The following PPP1R16B variants were observed in gnomAD, a reference collection of about 807,000 sequenced individuals.
PPP1R16B encodes the protein protein phosphatase 1 regulatory inhibitor subunit 16B.
A neutral mutation model predicts 61.7 loss-of-function variants in PPP1R16B; 14 were observed. The ratio of observed to expected loss-of-function variants is 0.23; its 90% confidence interval spans 0.15 to 0.35. PPP1R16B has a LOEUF of 0.35. PPP1R16B is among the 10% of genes least tolerant of loss of function. PPP1R16B has a pLI of 1.00. For missense variants in PPP1R16B, 547 were observed against 752.5 expected (o/e 0.73, Z 3.19); for synonymous variants, 266 against 305.3 (o/e 0.87, Z 1.34).
At chr20:38,816,594 A>G (rs1363592136) in intron 1 of PPP1R16B, among the ~76,000 whole-genome samples, 1 of 152,198 alleles carries the variant, frequency 6.6e-6, no homozygotes, top group Non-Finnish European at 1.5e-5. Context: ...AGCCTTAGCT[A>G]TATACATTTT....
chr20:38,845,297 T>C (rs1278643234), intron 2 of PPP1R16B, among the ~76,000 whole-genome samples: 1 of 152,006 alleles, frequency 6.6e-6, no homozygotes, highest in East Asian at 1.9e-4. Flanking sequence ...AAACAACTTT[T>C]AGGGCCAAAT....
intron 6 of PPP1R16B, among the ~76,000 whole-genome samples, chr20:38,905,274 C>T (rs1465202738): frequency 6.6e-6 from 1 of 152,134 alleles, no homozygotes; most frequent in Non-Finnish European, 1.5e-5. Flanking sequence ...GTTGAGACTA[C>T]TGGGGCTGCA....
intron 10 of PPP1R16B, 74 bp downstream of exon 10, chr20:38,908,267 C>T: frequency 6.4e-7 from 1 of 1,562,624 alleles, no homozygotes; most frequent in Non-Finnish European, 8.7e-7. Context: ...CTGGCCTTGC[C>T]TCTTCAACTG....
At chr20:38,812,139 C>T (rs1453915563) in intron 1 of PPP1R16B, among the ~76,000 whole-genome samples, 1 of 152,212 alleles carries the variant, frequency 6.6e-6, no homozygotes, top group Non-Finnish European at 1.5e-5. Context: ...AGGCCAAAGA[C>T]ATTCAGACCG....
At chr20:38,889,789 G>C (rs1338802004) in intron 3 of PPP1R16B, 124 bp downstream of exon 3, 2 of 989,916 alleles carry the variant, frequency 2.0e-6, no homozygotes, top group African/African-American at 3.2e-5. Flanking sequence ...AGGAGGAGCT[G>C]CAGCTGGCCC....
chr20:38,835,770 T>G (rs1055207468), intron 1 of PPP1R16B, 55 bp from the exon 2 acceptor site: 1 of 911,868 alleles, frequency 1.1e-6, no homozygotes, highest in African/African-American at 1.7e-5. Context: ...GACGATCAGA[T>G]CTGAGTTGTG....
intron 2 of PPP1R16B, chr20:38,873,197 G>A (rs1326123807): frequency 6.6e-6 from 1 of 152,326 alleles, no homozygotes; most frequent in African/African-American, 2.4e-5. Flanking sequence ...TCTCTGCACT[G>A]TGGGTGGAAA....
rs559868862 is a variant in PPP1R16B at position 38,816,658 on chromosome 20, G to A, written c.-102+10866G>A. On this transcript the variant is annotated intron_variant, in intron 1 of 10. Coordinates refer to ENST00000299824, the MANE Select transcript of PPP1R16B (RefSeq NM_015568.4). ...TTCATTCACTTGAGACATCTTAAAA[G>A]CAACACAACACAAGGAGCAGTTGAG... Among the ~76,000 whole-genome samples the A allele has an allele frequency of 2.3e-4, 35 of 152,308 alleles. No individual in the cohort carries two copies. In the South Asian group the frequency reaches 7.0e-3, roughly 31 times the overall value.
Position 38,918,808 on chromosome 20 carries a change from AGCTG to A in PPP1R16B, c.*147_*150del, listed in dbSNP as rs1279933334. 2 of 1,037,788 alleles carry A rather than the reference AGCTG, an allele frequency of 1.9e-6. No individual in the cohort carries two copies. The highest frequency in any genetic ancestry group is 3.2e-5 in the African/African-American group (2 of 61,586). The allele number at this position is 1,037,788 out of a possible 1,614,324, so 64.3% of individuals were successfully genotyped here. On this transcript the variant is annotated 3_prime_UTR_variant, in exon 11 of 11. Coordinates refer to ENST00000299824, the MANE Select transcript of PPP1R16B (RefSeq NM_015568.4). This position sits in a 1 kb window ranked among gnomAD's most constrained non-coding sequence, Gnocchi z 5.3. ...CAGAGGAACTCAGACCCCAGCCCTC[AGCTG>A]GCTGCCCATAGCATCCCATGTCCCA... is the stretch of plus-strand genomic sequence containing the variant.
At chr20:38,859,033 G>T (rs1385465042) in intron 2 of PPP1R16B, among the ~76,000 whole-genome samples, 2 of 152,166 alleles carry the variant, frequency 1.3e-5, no homozygotes, top group African/African-American at 4.8e-5. Flanking sequence ...AATGTCCCAG[G>T]ATCCAGGAAG....
At chr20:38,809,884 G>A (rs1006924799) in intron 1 of PPP1R16B, among the ~76,000 whole-genome samples, 2 of 151,670 alleles carry the variant, frequency 1.3e-5, no homozygotes, top group African/African-American at 4.8e-5. Context: ...GGAAGGCTGA[G>A]GTGGGAGAAT....
intron 6 of PPP1R16B, among the ~76,000 whole-genome samples, chr20:38,905,688 C>T (rs868859757): frequency 1.3e-5 from 2 of 152,330 alleles, no homozygotes; most frequent in South Asian, 4.1e-4. Context: ...ACCCCTTCTT[C>T]AGGGCTCAAT....
At chr20:38,855,492 G>A (rs1053545968) in intron 2 of PPP1R16B, among the ~76,000 whole-genome samples, 3 of 152,032 alleles carry the variant, frequency 2.0e-5, no homozygotes, top group Non-Finnish European at 2.9e-5. Flanking sequence ...CATTCCTTCC[G>A]GCTCATGACT....
At chr20:38,868,791 T>C (rs536071201) in intron 2 of PPP1R16B, among the ~76,000 whole-genome samples, 27 of 152,242 alleles carry the variant, frequency 1.8e-4, no homozygotes, top group Non-Finnish European at 3.7e-4. Context: ...AAATCTTTGA[T>C]GGCAGGAGCA....
chr20:38,898,983 G>A (rs181863317), intron 4 of PPP1R16B, among the ~76,000 whole-genome samples: 5 of 152,312 alleles, frequency 3.3e-5, no homozygotes, highest in East Asian at 1.9e-4. Flanking sequence ...AGAAAGCCAG[G>A]GGTTTTAAGT....
chr20:38,892,455 T>C lies in PPP1R16B; in HGVS notation c.321+2790T>C, dbSNP rs545037830. 3.3e-5 allele frequency among the ~76,000 whole-genome samples: 5 copies of C among 152,154 alleles called. No homozygotes were observed. In the South Asian group the frequency reaches 1.0e-3, roughly 32 times the overall value. On this transcript the variant is annotated intron_variant, in intron 3 of 10. Transcript: ENST00000299824. ...ACCACACGTGCCTTGGGCCCCATGT[T>C]GGGGCCTTTCAGGGAGACATCCACC...
chr20:38,913,565 C>T (rs1321934018), intron 10 of PPP1R16B, among the ~76,000 whole-genome samples: 1 of 152,104 alleles, frequency 6.6e-6, no homozygotes, highest in African/African-American at 2.4e-5. Context: ...CTGGCCATGT[C>T]GTTGTTTTTT....
At chr20:38,854,880 C>T (rs1279709432) in intron 2 of PPP1R16B, among the ~76,000 whole-genome samples, 1 of 152,200 alleles carries the variant, frequency 6.6e-6, no homozygotes, top group African/African-American at 2.4e-5. Context: ...TTCTGCTCCC[C>T]ACATTGCCAT....
At chr20:38,901,181 C>T (rs765029820) in intron 5 of PPP1R16B, among the ~76,000 whole-genome samples, 3 of 152,086 alleles carry the variant, frequency 2.0e-5, no homozygotes, top group Non-Finnish European at 4.4e-5. Flanking sequence ...GCCCCAGCAC[C>T]CCACAGATAG....
Sources: allele counts gnomAD v4.1 joint callset (sites outside exome capture counted in the v4.1 genomes callset), GRCh38; gene constraint gnomAD v4.1.1; non-coding constraint Gnocchi (gnomAD v3.1); transcripts MANE v1.5; gene names NCBI Gene and HGNC (gene_info 2026-07-23, HGNC 2026-07-21).